FAM53B: variants seen among roughly 807,000 people sequenced by gnomAD.
FAM53B encodes family with sequence similarity 53 member B.
In FAM53B, 12 loss-of-function variants were observed where a neutral mutation model predicts 32.7. The observed-to-expected ratio is 0.37, with a 90% confidence interval of 0.24 to 0.59. The LOEUF (loss-of-function observed/expected upper bound fraction) is 0.59, where lower values mean the gene tolerates loss of function less well. Ranked by LOEUF, FAM53B falls within the 20% of genes least tolerant of loss-of-function variation. The pLI, the probability that FAM53B is intolerant of heterozygous loss-of-function variation, is 0.72. For synonymous variants in FAM53B, 234 were observed against 228.7 expected (o/e 1.02, Z -0.21); for missense variants, 477 against 577.7 (o/e 0.83, Z 1.79).
intron 4 of FAM53B, among the ~76,000 whole-genome samples, chr10:124,637,533 T>C (rs1949441325): frequency 1.3e-5 from 2 of 152,114 alleles, no homozygotes; most frequent in South Asian, 4.1e-4. Flanking sequence ...ATGGCCACCA[T>C]AGGCCAGATC....
rs933717507 is a variant in FAM53B, at chr10:124,651,457, G to A, written c.907-27853C>T. 4.6e-5 allele frequency among the ~76,000 whole-genome samples: 7 copies of A among 152,242 alleles called. No individual in the cohort carries two copies. The highest frequency in any genetic ancestry group is 7.2e-5 in the African/African-American group (3 of 41,468). ...GCTAAGAGGGCTGCCAGGGGAGGCA[G>A]TATAAAGGCATGCTGTGGCCCCTCA... On this transcript the variant is annotated intron_variant, in intron 4 of 4. Transcript: ENST00000337318. The surrounding 1 kb of genome is among the most constrained non-coding windows in gnomAD (Gnocchi z 5.2).
chr10:124,742,292 C>T (rs989939113), intron 1 of FAM53B: 1 of 152,208 alleles, frequency 6.6e-6, no homozygotes, highest in African/African-American at 2.4e-5. Flanking sequence ...TTTCTGTAGT[C>T]CACAGCTAGA....
intron 4 of FAM53B, among the ~76,000 whole-genome samples, chr10:124,644,866 C>T (rs1345107752): frequency 6.6e-6 from 1 of 152,216 alleles, no homozygotes; most frequent in Non-Finnish European, 1.5e-5. Context: ...ATCAGTCCCT[C>T]TGCTGCAGGA....
At position 124,654,239 on chromosome 10, in the gene FAM53B, G is replaced by A. The variant is rs138621781; in HGVS notation, c.906+27368C>T. On this transcript the variant is annotated intron_variant, in intron 4 of 4. Coordinates refer to ENST00000337318, the MANE Select transcript of FAM53B (RefSeq NM_014661.4). ...AGCCATGCGAAGTGCGATTGTCATC[G>A]TCATGCAACGCTATGGTGCTCAGAA... Among the ~76,000 whole-genome samples, 193 of 152,374 alleles carry A rather than the reference G, an allele frequency of 1.3e-3. 5 individuals carry two copies. The East Asian group carries it at 0.016, about 13-fold the overall frequency.
chr10:124,735,133 G>C (rs1950166192), intron 1 of FAM53B, among the ~76,000 whole-genome samples: 1 of 152,120 alleles, frequency 6.6e-6, no homozygotes, highest in Non-Finnish European at 1.5e-5. Context: ...CAACGTGAGA[G>C]GAAGAACAAA....
At chr10:124,636,532 A>G (rs2134041698) in intron 4 of FAM53B, among the ~76,000 whole-genome samples, 1 of 152,316 alleles carries the variant, frequency 6.6e-6, no homozygotes, top group South Asian at 2.1e-4. Flanking sequence ...CAACAGGAAG[A>G]GGGAGATCCC....
In FAM53B at chr10:124,744,115, C is replaced by G. The variant is rs1201473557; in HGVS notation, c.-277G>C. ...CGCGCGTCCGCCGCGCGCACGCTCG[C>G]CTGCCGGCGCCGAGCGCTTTGTACG... On this transcript the variant is annotated 5_prime_UTR_variant, in exon 1 of 5. Transcript: ENST00000337318. 6.8e-6 allele frequency: 1 copy of G among 147,206 alleles called. No individual in the cohort carries two copies. The highest frequency in any genetic ancestry group is 2.4e-5 in the African/African-American group (1 of 40,996). The allele number at this position is 147,206 out of a possible 1,614,324, so 9.1% of individuals were successfully genotyped here.
chr10:124,645,399 T>C (rs1408355776), intron 4 of FAM53B, among the ~76,000 whole-genome samples: 1 of 152,154 alleles, frequency 6.6e-6, no homozygotes, highest in Non-Finnish European at 1.5e-5. Context: ...AGATGCAAAA[T>C]CTCAGCCCCT....
chr10:124,667,360 C>G, intron 4 of FAM53B: 2 of 751,692 alleles, frequency 2.7e-6, no homozygotes, highest in Non-Finnish European at 5.0e-6. Flanking sequence ...TGGACTGCTT[C>G]CTCTAAGACT....
intron 2 of FAM53B, among the ~76,000 whole-genome samples, chr10:124,701,541 A>G (rs1949914869): frequency 6.6e-6 from 1 of 152,250 alleles, no homozygotes; most frequent in Non-Finnish European, 1.5e-5. Flanking sequence ...CACTCTGGAA[A>G]CAAAAGAACA....
intron 2 of FAM53B, among the ~76,000 whole-genome samples, chr10:124,704,860 C>T (rs772603746): frequency 2.6e-5 from 4 of 152,234 alleles, no homozygotes; most frequent in Admixed American, 6.5e-5. Flanking sequence ...CCAGTTACCA[C>T]AAGAATCCTT....
chr10:124,672,379 C>T (rs931567769), intron 4 of FAM53B, among the ~76,000 whole-genome samples: 1 of 152,280 alleles, frequency 6.6e-6, no homozygotes, highest in Admixed American at 6.5e-5. Flanking sequence ...CTCCTGATGT[C>T]CCGGATCAGG....
intron 1 of FAM53B, among the ~76,000 whole-genome samples, chr10:124,710,160 A>G (rs2134088466): frequency 6.6e-6 from 1 of 152,342 alleles, no homozygotes; most frequent in African/African-American, 2.4e-5. Context: ...GGAGCTAGAG[A>G]GAGACTCAAA....
chr10:124,676,717 TC>T (rs1214621563), intron 4 of FAM53B, among the ~76,000 whole-genome samples: 1 of 152,126 alleles, frequency 6.6e-6, no homozygotes, highest in Non-Finnish European at 1.5e-5. Flanking sequence ...CAACCCCTCA[TC>T]CTGCCCAGTC....
chr10:124,649,762 T>C lies in FAM53B; in HGVS notation c.907-26158A>G, dbSNP rs1001484524. 2.6e-5 allele frequency among the ~76,000 whole-genome samples: 4 copies of C among 152,314 alleles called. No individual in the cohort carries two copies. In the South Asian group the frequency reaches 6.2e-4, roughly 24 times the overall value. On this transcript the variant is annotated intron_variant, in intron 4 of 4. Coordinates refer to ENST00000337318, the MANE Select transcript of FAM53B (RefSeq NM_014661.4). Reference sequence around the variant, plus strand: ...ACACACTGGGAAGTGTGCACTTGATTCTTTGTACTCCTTCAGACCCCAAAA... The same window carrying C: ...ACACACTGGGAAGTGTGCACTTGATCCTTTGTACTCCTTCAGACCCCAAAA...
chr10:124,704,477 G>A (rs539197046), intron 2 of FAM53B: 1 of 152,502 alleles, frequency 6.6e-6, no homozygotes, highest in East Asian at 1.9e-4. Context: ...GTAAGGGGTG[G>A]GCGCTGGCGC....
intron 2 of FAM53B, among the ~76,000 whole-genome samples, chr10:124,697,062 C>T (rs1156632002): frequency 1.3e-5 from 2 of 152,030 alleles, no homozygotes; most frequent in Admixed American, 1.3e-4. Flanking sequence ...CTAGGTGATA[C>T]CCAGGTCAAG....
chr10:124,640,829 GAA>G (rs985962998), intron 4 of FAM53B, among the ~76,000 whole-genome samples: 43 of 152,296 alleles, frequency 2.8e-4, no homozygotes, highest in African/African-American at 9.6e-4. Flanking sequence ...CCGAGCGCAG[GAA>G]GAGAGGAGGA....
At position 124,621,628 on chromosome 10, in the gene FAM53B, C is replaced by G. The variant is rs577017950; in HGVS notation, c.*1614G>C. ...CCCACATATTGGGAACTTGAACCACCATCCTTTTGATGTAGTAAAAAAATA... is the reference window on the plus strand; with the variant it reads ...CCCACATATTGGGAACTTGAACCACGATCCTTTTGATGTAGTAAAAAAATA... On this transcript the variant is annotated 3_prime_UTR_variant, in exon 5 of 5. Transcript: ENST00000337318. 1 of 152,344 alleles carries G rather than the reference C, an allele frequency of 6.6e-6. No individual in the cohort carries two copies. Among genetic ancestry groups the G allele is most frequent in the Admixed American group, 6.5e-5 (1 of 15,302 alleles). The allele number at this position is 152,344 out of a possible 1,614,324, so 9.4% of individuals were successfully genotyped here. A position where few individuals can be genotyped will look rare whatever the true frequency, so the allele number is the denominator to read the frequency against.
Sources: gnomAD v4.1 joint callset for allele counts (sites outside exome capture counted in the v4.1 genomes callset) on GRCh38, gnomAD v4.1.1 for gene constraint, Gnocchi (gnomAD v3.1) non-coding constraint, MANE v1.5 for transcripts, NCBI Gene and HGNC (gene_info 2026-07-23, HGNC 2026-07-21) for gene names.